MTA3: variants seen among roughly 807,000 people sequenced by gnomAD.
The protein encoded by MTA3 is metastasis-associated protein MTA3.
Under a neutral mutation model 83.5 loss-of-function variants are expected in MTA3, and 34 were observed. The observed-to-expected ratio is 0.41, with a 90% confidence interval of 0.31 to 0.54. The LOEUF is 0.54. Among genes scored for constraint, MTA3 ranks in the 20% least tolerant of loss-of-function variants. The pLI, the probability that MTA3 is intolerant of heterozygous loss-of-function variation, is 0.33. For synonymous variants in MTA3, 303 were observed against 252.7 expected, an observed-to-expected ratio of 1.20 and a Z score of -1.89; for missense variants, 761 against 726.4, an observed-to-expected ratio of 1.05 and a Z score of -0.55.
At chr2:42,658,450 C>T (rs918693811) in intron 7 of MTA3, among the ~76,000 whole-genome samples, 10 of 152,240 alleles carry the variant, frequency 6.6e-5, no homozygotes, top group African/African-American at 1.9e-4. Context: ...GGGGATGAGA[C>T]GTCGTACAAC....
intron 2 of MTA3, among the ~76,000 whole-genome samples, chr2:42,556,572 C>G (rs901873691): frequency 1.3e-5 from 2 of 152,194 alleles, no homozygotes; most frequent in African/African-American, 2.4e-5. Context: ...CCGGGAGTCA[C>G]TCCCTCCCTC....
chr2:42,703,793 G>C (rs956907029), intron 11 of MTA3: 3 of 162,498 alleles, frequency 1.8e-5, no homozygotes, highest in East Asian at 1.8e-4. Context: ...GGGAGGCTGA[G>C]ACAGGAGAAT....
At position 42,554,945 on chromosome 2, in the gene MTA3, G is replaced by T. The variant is rs543877311; in HGVS notation, c.-140-15492G>T. 5.8e-3 allele frequency among the ~76,000 whole-genome samples: 885 copies of T among 152,232 alleles called. 8 individuals carry two copies. The highest frequency in any genetic ancestry group is 8.2e-3 in the Non-Finnish European group (556 of 68,010). ...GCTTGAGGATCACTTGATGTCAGGA[G>T]TTTGAGACCAGCTTGGCCAACCTGG... On this transcript the variant is annotated intron_variant, in intron 2 of 17. Transcript: ENST00000405592.
intron 2 of MTA3, among the ~76,000 whole-genome samples, chr2:42,538,237 A>G (rs1322411441): frequency 6.6e-6 from 1 of 152,136 alleles, no homozygotes; most frequent in African/African-American, 2.4e-5. Flanking sequence ...TGTCTCGAAA[A>G]ATAAATAAAT....
At chr2:42,607,094 GGGT>G in intron 3 of MTA3, among the ~76,000 whole-genome samples, 1 of 147,788 alleles carries the variant, frequency 6.8e-6, no homozygotes. Context: ...GTAGGGGTAG[GGGT>G]AGAGGTAGAG....
At chr2:42,629,971 G>A (rs1686514688) in intron 4 of MTA3, among the ~76,000 whole-genome samples, 1 of 151,930 alleles carries the variant, frequency 6.6e-6, no homozygotes, top group African/African-American at 2.4e-5. Context: ...TAGTAGACAT[G>A]GGGTTTCACC....
chr2:42,534,943 G>C (rs1028119414), intron 2 of MTA3, among the ~76,000 whole-genome samples: 3 of 152,022 alleles, frequency 2.0e-5, no homozygotes, highest in African/African-American at 7.2e-5. Context: ...ATTTCTAACA[G>C]CCTTCTTGGA....
At chr2:42,676,575 G>T (rs938540479) in intron 8 of MTA3, among the ~76,000 whole-genome samples, 2 of 152,122 alleles carry the variant, frequency 1.3e-5, no homozygotes, top group Admixed American at 6.5e-5. Flanking sequence ...AGACCAGCCC[G>T]GGCAACATGG....
At chr2:42,731,179 C>T (rs543216972) in intron 16 of MTA3, among the ~76,000 whole-genome samples, 9 of 151,882 alleles carry the variant, frequency 5.9e-5, no homozygotes, top group African/African-American at 2.2e-4. Context: ...TTTTGTATTG[C>T]TTCCTTCATT....
intron 2 of MTA3, among the ~76,000 whole-genome samples, chr2:42,522,001 G>A (rs975805758): frequency 4.6e-5 from 7 of 152,064 alleles, no homozygotes; most frequent in African/African-American, 1.7e-4. Flanking sequence ...TGATCCACCT[G>A]CCTCGGCCTC....
chr2:42,539,840 T>C (rs966686076), intron 2 of MTA3, among the ~76,000 whole-genome samples: 2 of 152,108 alleles, frequency 1.3e-5, no homozygotes, highest in Non-Finnish European at 2.9e-5. Context: ...CACAAGGTGC[T>C]AGGGTTATAG....
chr2:42,732,894 C>T (rs193002031), intron 16 of MTA3, among the ~76,000 whole-genome samples: 6 of 152,186 alleles, frequency 3.9e-5, no homozygotes, highest in Non-Finnish European at 7.3e-5. Flanking sequence ...TGCTCCAGTT[C>T]CCGAGTTCCT....
intron 9 of MTA3, among the ~76,000 whole-genome samples, chr2:42,690,145 C>T (rs1692749376): frequency 6.6e-6 from 1 of 152,052 alleles, no homozygotes; most frequent in Admixed American, 6.5e-5. Flanking sequence ...CCAGCCTGGG[C>T]AGCATAGCAT....
At chr2:42,715,184 T>G (rs1171959280) in intron 14 of MTA3, among the ~76,000 whole-genome samples, 4 of 152,176 alleles carry the variant, frequency 2.6e-5, no homozygotes, top group African/African-American at 9.7e-5. Context: ...GTCTGACAAG[T>G]GGCAGCATTG....
chr2:42,687,410 T>G (rs1458500200), intron 9 of MTA3, among the ~76,000 whole-genome samples: 3 of 152,262 alleles, frequency 2.0e-5, no homozygotes, highest in Non-Finnish European at 4.4e-5. Context: ...TGCCTAGTAG[T>G]ACTATTCCAT....
At chr2:42,638,791 C>T (rs558670053) in intron 4 of MTA3, among the ~76,000 whole-genome samples, 4 of 151,014 alleles carry the variant, frequency 2.6e-5, no homozygotes, top group African/African-American at 4.9e-5. Context: ...CCAGTAACCA[C>T]GTTAGAGATT....
intron 4 of MTA3, among the ~76,000 whole-genome samples, chr2:42,611,132 C>T (rs770099665): frequency 2.0e-5 from 3 of 151,952 alleles, no homozygotes; most frequent in Admixed American, 6.6e-5. Context: ...CAGGCACATG[C>T]CACCATGCCC....
At chr2:42,502,950 A>T (rs544480376) in intron 2 of MTA3, among the ~76,000 whole-genome samples, 2 of 152,026 alleles carry the variant, frequency 1.3e-5, no homozygotes, top group Admixed American at 1.3e-4. Context: ...AGACAGGGCA[A>T]GACTCTGTCT....
intron 8 of MTA3, among the ~76,000 whole-genome samples, chr2:42,666,343 T>C (rs1389148887): frequency 6.6e-6 from 1 of 152,218 alleles, no homozygotes; most frequent in Non-Finnish European, 1.5e-5. Context: ...TATATCCTTT[T>C]AGTGGCTTTT....
Sources: allele counts gnomAD v4.1 joint callset (sites outside exome capture counted in the v4.1 genomes callset), GRCh38; gene constraint gnomAD v4.1.1; transcripts MANE v1.5; gene names NCBI Gene and HGNC (gene_info 2026-07-23, HGNC 2026-07-21).